Variants in TYR observed in about 807,000 individuals in gnomAD.
The protein encoded by TYR is tyrosinase, also known as LB24-AB.
A neutral mutation model predicts 51.5 loss-of-function variants in TYR; 58 were observed. That is an observed-to-expected ratio of 1.13 (90% confidence interval 0.91 to 1.40). The LOEUF is 1.40. TYR is among the 40% of genes most tolerant of loss of function. TYR has a pLI of 0.00. For synonymous variants in TYR, 263 were observed against 235.2 expected, an observed-to-expected ratio of 1.12 and a Z score of -1.08; for missense variants, 732 against 647.4, an observed-to-expected ratio of 1.13 and a Z score of -1.42.
Position 89,245,794 on chromosome 11 carries a change from C to T in TYR, c.1184+17824C>T, listed in dbSNP as rs189212210. On this transcript the variant is annotated intron_variant, in intron 3 of 4. Coordinates refer to ENST00000263321, the MANE Select transcript of TYR (RefSeq NM_000372.5). ...AAAATTAGCTGGGCTTGGTGGTGGG[C>T]ACCTGTAGTCCCAGCTACTTGGGAG... Among the ~76,000 whole-genome samples, 189 of 151,984 alleles carry T rather than the reference C, an allele frequency of 1.2e-3. 1 individual carries two copies. The highest frequency in any genetic ancestry group is 1.0e-3 in the Non-Finnish European group (69 of 67,948).
chr11:89,294,981 G>A (rs552079765), intron 4 of TYR, among the ~76,000 whole-genome samples, 162 bp from the exon 5 acceptor site: 2 of 152,264 alleles, frequency 1.3e-5, no homozygotes, highest in South Asian at 2.1e-4. Flanking sequence ...CTGAGGCTTT[G>A]GAGTATTAGG....
intron 3 of TYR, among the ~76,000 whole-genome samples, chr11:89,239,950 C>A (rs1460843886): frequency 1.3e-5 from 2 of 152,150 alleles, no homozygotes; most frequent in African/African-American, 4.8e-5. Flanking sequence ...TGTTTTGTGT[C>A]TAACCATATG....
chr11:89,277,917 GT>G (rs1465053990), intron 3 of TYR, among the ~76,000 whole-genome samples: 1 of 151,522 alleles, frequency 6.6e-6, no homozygotes, highest in Non-Finnish European at 1.5e-5. Flanking sequence ...ATCTGTTCGT[GT>G]TATCATTCAC....
chr11:89,191,962 A>T, intron 2 of TYR: 1 of 429,476 alleles, frequency 2.3e-6, no homozygotes, highest in Non-Finnish European at 4.6e-6. Context: ...GTGGACTGAT[A>T]CTATTTTCCT....
At chr11:89,293,239 T>A (rs7947262) in intron 4 of TYR, among the ~76,000 whole-genome samples, 67,089 of 151,810 alleles carry the variant, frequency 0.44, 16,250 homozygotes, top group African/African-American at 0.66. Context: ...GGTTGCTCAG[T>A]ATGATGGCAT....
intron 3 of TYR, among the ~76,000 whole-genome samples, chr11:89,229,416 A>AT (rs1417161635): frequency 2.0e-5 from 3 of 152,162 alleles, no homozygotes; most frequent in Admixed American, 6.6e-5. Flanking sequence ...TTAAAGAATC[A>AT]TTTTTATATC....
At chr11:89,180,781 C>T (rs565630368) in intron 1 of TYR, among the ~76,000 whole-genome samples, 54 of 152,200 alleles carry the variant, frequency 3.5e-4, no homozygotes, top group Non-Finnish European at 5.6e-4. Flanking sequence ...GTGTCAAGGG[C>T]TTATTAGTGG....
At chr11:89,267,471 T>C (rs1944539258) in intron 3 of TYR, among the ~76,000 whole-genome samples, 1 of 152,002 alleles carries the variant, frequency 6.6e-6, no homozygotes, top group African/African-American at 2.4e-5. Flanking sequence ...TTTCTGAAGC[T>C]TTTCATCTCC....
intron 3 of TYR, among the ~76,000 whole-genome samples, chr11:89,270,449 C>T (rs192241151): frequency 6.6e-6 from 1 of 151,886 alleles, no homozygotes; most frequent in Non-Finnish European, 1.5e-5. Context: ...AATTATTGAC[C>T]AGATTTTAGC....
At chr11:89,185,167 C>G (rs568594186) in intron 1 of TYR, among the ~76,000 whole-genome samples, 29 of 152,024 alleles carry the variant, frequency 1.9e-4, no homozygotes, top group Non-Finnish European at 4.4e-5. Context: ...TTGTAGTCTT[C>G]CACAGTCTGG....
At chr11:89,199,964 A>G (rs1943574916) in intron 2 of TYR, among the ~76,000 whole-genome samples, 1 of 152,256 alleles carries the variant, frequency 6.6e-6, no homozygotes, top group African/African-American at 2.4e-5. Context: ...TCAGGCATTA[A>G]GACATATAGA....
chr11:89,261,848 A>G (rs1462530825), intron 3 of TYR, among the ~76,000 whole-genome samples: 2 of 152,124 alleles, frequency 1.3e-5, no homozygotes, highest in Non-Finnish European at 2.9e-5. Flanking sequence ...CATACAAGGT[A>G]TATTCTCCAA....
At chr11:89,258,945 AT>A (rs1944426229) in intron 3 of TYR, among the ~76,000 whole-genome samples, 1 of 151,954 alleles carries the variant, frequency 6.6e-6, no homozygotes, top group Admixed American at 6.6e-5. Flanking sequence ...TGTTTCATCT[AT>A]TTTCTAAGTC....
intron 2 of TYR, among the ~76,000 whole-genome samples, chr11:89,204,397 A>AT (rs71472253): frequency 0.043 from 6,248 of 145,480 alleles, 448 homozygotes; most frequent in African/African-American, 0.15. Flanking sequence ...GAGATTATAC[A>AT]TTTTTTTTTT....
intron 3 of TYR, among the ~76,000 whole-genome samples, chr11:89,239,253 G>A (rs954222246): frequency 1.3e-5 from 2 of 151,950 alleles, no homozygotes; most frequent in African/African-American, 4.8e-5. Context: ...TTCACTCTCT[G>A]TACTCATTAT....
At chr11:89,226,075 C>T (rs1452351942) in intron 2 of TYR, among the ~76,000 whole-genome samples, 1 of 151,988 alleles carries the variant, frequency 6.6e-6, no homozygotes, top group Non-Finnish European at 1.5e-5. Flanking sequence ...AGAGTATACA[C>T]TTTAAAAAGT....
At chr11:89,246,124 A>G (rs967036684) in intron 3 of TYR, among the ~76,000 whole-genome samples, 1 of 150,574 alleles carries the variant, frequency 6.6e-6, no homozygotes, top group Admixed American at 6.6e-5. Context: ...TTAGGAACTG[A>G]GACCGAGGTA....
At chr11:89,271,475 C>T (rs1944587964) in intron 3 of TYR, among the ~76,000 whole-genome samples, 1 of 151,824 alleles carries the variant, frequency 6.6e-6, no homozygotes, top group Non-Finnish European at 1.5e-5. Flanking sequence ...GTTAAAAATA[C>T]TTTATGCTGA....
At chr11:89,286,721 G>T (rs1944791868) in intron 4 of TYR, among the ~76,000 whole-genome samples, 1 of 151,752 alleles carries the variant, frequency 6.6e-6, no homozygotes, top group African/African-American at 2.4e-5. Context: ...TGCTAACACA[G>T]CTGACAAAGG....
Sources: gnomAD v4.1 joint callset for allele counts (sites outside exome capture counted in the v4.1 genomes callset) on GRCh38, gnomAD v4.1.1 for gene constraint, MANE v1.5 for transcripts, NCBI Gene and HGNC (gene_info 2026-07-23, HGNC 2026-07-21) for gene names.